The following DPPA2 variants were observed in gnomAD, a reference collection of about 807,000 sequenced individuals.
DPPA2 encodes developmental pluripotency associated 2.
A neutral mutation model predicts 36.2 loss-of-function variants in DPPA2; 26 were observed. The ratio of observed to expected loss-of-function variants is 0.72; its 90% confidence interval spans 0.53 to 1.00. The LOEUF is 1.00. Among genes scored for constraint, DPPA2 ranks in the 50% least tolerant of loss-of-function variants. The probability of loss-of-function intolerance (pLI) is 0.00; values close to 1 mark genes in which losing one functional copy is unlikely to be tolerated. For missense variants in DPPA2, 361 were observed against 365.1 expected (o/e 0.99, Z 0.09); for synonymous variants, 113 against 123.2 (o/e 0.92, Z 0.55).
rs995188759 is a variant in DPPA2, at chr3:109,312,541, A to C, written c.181+4T>G. The C allele has an allele frequency of 1.2e-6, 2 of 1,611,748 alleles. No individual in the cohort carries two copies. The highest frequency in any genetic ancestry group is 2.2e-5 in the South Asian group (2 of 90,894). The stretch of plus-strand genomic sequence containing the variant: ...AACTAACTGAGCAATCCCTGTCCTC[A>C]TACCTGGATTGTATTTCTTAGGCTT... On this transcript the variant is annotated splice_donor_region_variant and intron_variant, in intron 3 of 8. Transcript: ENST00000478945.
chr3:109,295,714 A>G (rs1407045083), intron 8 of DPPA2, among the ~76,000 whole-genome samples: 2 of 152,136 alleles, frequency 1.3e-5, no homozygotes, highest in Non-Finnish European at 2.9e-5. Flanking sequence ...AGGAAGCATC[A>G]GATCAAGACT....
In DPPA2 at chr3:109,299,525, T is replaced by A. The variant is rs190071397; in HGVS notation, c.*22+846A>T. Among the ~76,000 whole-genome samples the A allele has an allele frequency of 6.8e-3, 1,021 of 149,902 alleles. 13 individuals carry two copies. Among genetic ancestry groups the A allele is most frequent in the African/African-American group, 0.024 (981 of 40,732 alleles). ...GAGTGAGACTCTGTCTCAAAAAAAA[T>A]AAAATAAAAATTTAGCTGGGCGTGG... On this transcript the variant is annotated intron_variant, in intron 8 of 8. Transcript: ENST00000478945.
chr3:109,300,484 A>G lies in DPPA2; in HGVS notation c.855-49T>C, dbSNP rs747477710. Reference sequence around the variant, plus strand: ...TGTGAAATATTGCTACAGCAAGGTAAACCATCCCTTACCAATCCCTTTAAA... The same window carrying G: ...TGTGAAATATTGCTACAGCAAGGTAGACCATCCCTTACCAATCCCTTTAAA... On this transcript the variant is annotated intron_variant, in intron 7 of 8. Transcript: ENST00000478945. 2.6e-6 allele frequency: 4 copies of G among 1,563,922 alleles called. No individual in the cohort carries two copies. In the Admixed American group the frequency reaches 6.7e-5, roughly 26 times the overall value.
chr3:109,306,778 C>CA (rs1707573076), intron 6 of DPPA2, among the ~76,000 whole-genome samples: 1 of 150,762 alleles, frequency 6.6e-6, no homozygotes, highest in South Asian at 2.1e-4. Flanking sequence ...CCAGCCTGAC[C>CA]AACATGGAGA....
At chr3:109,312,265 C>G (rs1462562373) in intron 3 of DPPA2, among the ~76,000 whole-genome samples, 1 of 152,124 alleles carries the variant, frequency 6.6e-6, no homozygotes, top group Non-Finnish European at 1.5e-5. Context: ...GCTCAGAAGG[C>G]GGAGGTTGCA....
At chr3:109,297,689 G>A (rs1707378895) in intron 8 of DPPA2, among the ~76,000 whole-genome samples, 1 of 152,216 alleles carries the variant, frequency 6.6e-6, no homozygotes, top group East Asian at 1.9e-4. Context: ...CAGTTTGGCA[G>A]AAATGAGCTA....
chr3:109,304,043 G>A (rs896472295), intron 7 of DPPA2, among the ~76,000 whole-genome samples: 12 of 152,036 alleles, frequency 7.9e-5, no homozygotes, highest in African/African-American at 2.2e-4. Flanking sequence ...AGGCCGAGGC[G>A]GGCGGATCAT....
chr3:109,300,298 G>C (rs1382965026), intron 8 of DPPA2, 73 bp downstream of exon 8: 1 of 1,229,814 alleles, frequency 8.1e-7, no homozygotes, highest in Non-Finnish European at 1.2e-6. Flanking sequence ...AGTTTCTCTT[G>C]TATGTGACTC....
In DPPA2 at chr3:109,309,328, G is replaced by A. The variant is rs1209157043; in HGVS notation, c.184C>T (p.His62Tyr). 14 of 1,613,842 alleles carry A rather than the reference G, an allele frequency of 8.7e-6. No homozygotes were observed. Among genetic ancestry groups the A allele is most frequent in the Non-Finnish European group, 1.2e-5 (14 of 1,179,860 alleles). The change falls in exon 4 of 9, where the codon CAT becomes TAT. Residue 62 changes from histidine to tyrosine, a missense_variant and splice_region_variant. Transcript: ENST00000478945. ...AATTGCTCATTTGTTTGAAGTAGAT[G>A]ACCTAAGACAAGAATGGAACCAAAG... Reference protein sequence around the residue: ...LEKPKKYNPGHLLQTNEQFTA... With the variant: ...LEKPKKYNPGYLLQTNEQFTA...
chr3:109,304,968 G>A (rs957279257), intron 6 of DPPA2, among the ~76,000 whole-genome samples: 8 of 152,002 alleles, frequency 5.3e-5, no homozygotes, highest in Admixed American at 2.0e-4. Flanking sequence ...CCAATGTGGA[G>A]AAACCTCATC....
chr3:109,295,276 T>C (rs1707332128), intron 8 of DPPA2: 3 of 151,320 alleles, frequency 2.0e-5, no homozygotes, highest in Admixed American at 6.6e-5. Context: ...TCCCAGCACT[T>C]TGGGAGGCTG....
At chr3:109,296,906 G>T (rs1021876461) in intron 8 of DPPA2, among the ~76,000 whole-genome samples, 2 of 151,952 alleles carry the variant, frequency 1.3e-5, no homozygotes, top group African/African-American at 4.8e-5. Context: ...GGGCAACATG[G>T]CAAAACCCCA....
intron 8 of DPPA2, among the ~76,000 whole-genome samples, chr3:109,295,878 A>G (rs1707343830): frequency 6.6e-6 from 1 of 152,190 alleles, no homozygotes; most frequent in Non-Finnish European, 1.5e-5. Flanking sequence ...AAATAAAATG[A>G]TAGAAATTAG....
intron 8 of DPPA2, among the ~76,000 whole-genome samples, chr3:109,297,756 A>G (rs1229357553): frequency 2.0e-5 from 3 of 152,202 alleles, no homozygotes; most frequent in Non-Finnish European, 2.9e-5. Context: ...CTGAAAGCCA[A>G]TATGAAAAGG....
At chr3:109,310,659 C>G (rs1429536938) in intron 3 of DPPA2, among the ~76,000 whole-genome samples, 1 of 151,608 alleles carries the variant, frequency 6.6e-6, no homozygotes, top group Non-Finnish European at 1.5e-5. Context: ...GCACGCGCCA[C>G]CATGCCCAGC....
chr3:109,311,852 G>A (rs952207363), intron 3 of DPPA2, among the ~76,000 whole-genome samples: 15 of 152,242 alleles, frequency 9.9e-5, no homozygotes, highest in African/African-American at 2.6e-4. Flanking sequence ...GCTGCTATTC[G>A]TAATTACTTG....
chr3:109,299,353 CA>C (rs1559694694), intron 8 of DPPA2, among the ~76,000 whole-genome samples: 3 of 151,672 alleles, frequency 2.0e-5, no homozygotes, highest in African/African-American at 4.8e-5. Flanking sequence ...TCTACTAATA[CA>C]AAAAAATTAG....
chr3:109,306,063 A>G (rs1707558194), intron 6 of DPPA2, among the ~76,000 whole-genome samples: 2 of 152,318 alleles, frequency 1.3e-5, no homozygotes, highest in Admixed American at 6.5e-5. Context: ...AGGAGCAGTC[A>G]CAGTGAATTT....
intron 2 of DPPA2, 63 bp downstream of exon 2, chr3:109,314,447 G>A: frequency 6.5e-7 from 1 of 1,544,068 alleles, no homozygotes; most frequent in Non-Finnish European, 8.9e-7. Context: ...AAACATAAGG[G>A]AGACCTAGAA....
Sources: gnomAD v4.1 joint callset for allele counts (sites outside exome capture counted in the v4.1 genomes callset) on GRCh38, gnomAD v4.1.1 for gene constraint, MANE v1.5 for transcripts, NCBI Gene and HGNC (gene_info 2026-07-23, HGNC 2026-07-21) for gene names.